SPPL2A: variants seen among roughly 807,000 people sequenced by gnomAD.
SPPL2A encodes the protein signal peptide peptidase-like 2A.
SPPL2A carries 51 observed loss-of-function variants against 63.8 expected under a neutral mutation model. The observed-to-expected ratio is 0.80, with a 90% CI of 0.64 to 1.01. The LOEUF (loss-of-function observed/expected upper bound fraction) is 1.01. SPPL2A is among the 50% of genes least tolerant of loss of function. SPPL2A has a pLI of 0.00. For synonymous variants in SPPL2A, 188 were observed against 205.8 expected (o/e 0.91, Z 0.74); for missense variants, 553 against 622.7 (o/e 0.89, Z 1.19).
chr15:50,765,604 C>A lies in SPPL2A; in HGVS notation c.-71G>T. ...ACTCGGCGGGGTAGGCTCGGAGTCC[C>A]GCCGCTGCGCTGCCTCCGTGGCCGG... On this transcript the variant is annotated 5_prime_UTR_variant, in exon 1 of 15. Transcript: ENST00000261854. 1 of 1,091,968 alleles carries A rather than the reference C, an allele frequency of 9.2e-7. No individual in the cohort carries two copies. Among genetic ancestry groups the A allele is most frequent in the Admixed American group, 4.2e-5 (1 of 23,972 alleles). The allele number at this position is 1,091,968 out of a possible 1,614,324, so 67.6% of individuals were successfully genotyped here.
rs1472131306 is a variant in SPPL2A at position 50,736,179 on chromosome 15, A to G, written c.854T>C (p.Met285Thr). The G allele has an allele frequency of 5.6e-5, 90 of 1,612,294 alleles. No individual in the cohort carries two copies. The highest frequency in any genetic ancestry group is 7.6e-5 in the Non-Finnish European group (90 of 1,178,804). Reference sequence around the variant, plus strand: ...AGAGAGAAAAATAAGTCTCACTTCCATGTTTTTGCCACGACATGCAATCCT... The same window carrying G: ...AGAGAGAAAAATAAGTCTCACTTCCGTGTTTTTGCCACGACATGCAATCCT... ...QCTIACRGKN[M>T]EVRLIFLSGL... The change falls in exon 8 of 15, where the codon ATG becomes ACG. Residue 285 changes from methionine (M) to threonine (T), a missense_variant. Physicochemically the swap from Met to Thr is moderately conservative, Grantham distance 81. Transcript: ENST00000261854.
chr15:50,748,061 TAA>T (rs1436380291), intron 4 of SPPL2A, 50 bp downstream of exon 4: 4 of 725,002 alleles, frequency 5.5e-6, no homozygotes, highest in Non-Finnish European at 8.4e-6. Flanking sequence ...TGATTAAAAA[TAA>T]AGAGATACAG....
chr15:50,717,043 T>G (rs771909936), intron 14 of SPPL2A, among the ~76,000 whole-genome samples: 2 of 152,184 alleles, frequency 1.3e-5, no homozygotes, highest in Non-Finnish European at 2.9e-5. Flanking sequence ...AGCCCTGAAC[T>G]CTACTTCTTT....
At chr15:50,753,874 G>A (rs1478070276) in intron 1 of SPPL2A, among the ~76,000 whole-genome samples, 1 of 151,982 alleles carries the variant, frequency 6.6e-6, no homozygotes, top group Non-Finnish European at 1.5e-5. Flanking sequence ...TCGGCTCACT[G>A]CAATCTCCGC....
At chr15:50,752,470 C>G (rs1183562667) in intron 1 of SPPL2A, among the ~76,000 whole-genome samples, 1 of 152,062 alleles carries the variant, frequency 6.6e-6, no homozygotes, top group African/African-American at 2.4e-5. Context: ...GTCATTCCAG[C>G]ACCTCGGGAG....
chr15:50,756,611 C>T (rs1272740872), intron 1 of SPPL2A, among the ~76,000 whole-genome samples: 1 of 151,926 alleles, frequency 6.6e-6, no homozygotes, highest in Non-Finnish European at 1.5e-5. Context: ...AGGGGGTGGG[C>T]ATGGTGGCTC....
chr15:50,736,743 G>A lies in SPPL2A; in HGVS notation c.734-3C>T. ...GAAAATTGCTATCATAACATAAACT[G>A]AAAAAAACAAAACACTAAATTACAT... On this transcript the variant is annotated splice_polypyrimidine_tract_variant and splice_region_variant and intron_variant, in intron 6 of 14. Coordinates refer to ENST00000261854, the MANE Select transcript of SPPL2A (RefSeq NM_032802.4). 1 of 1,517,532 alleles carries A rather than the reference G, an allele frequency of 6.6e-7. No homozygotes were observed. Among genetic ancestry groups the A allele is most frequent in the Non-Finnish European group, 9.1e-7 (1 of 1,095,884 alleles). 94.0% of individuals were successfully genotyped at this position (1,517,532 alleles called of 1,614,324 possible).
chr15:50,736,807 A>T, intron 6 of SPPL2A, 67 bp from the exon 7 acceptor site: 2 of 774,318 alleles, frequency 2.6e-6, no homozygotes. Flanking sequence ...TATTTATACA[A>T]GCAATATTAA....
intron 1 of SPPL2A, among the ~76,000 whole-genome samples, chr15:50,762,392 A>C (rs1035684526): frequency 1.3e-5 from 2 of 151,922 alleles, no homozygotes; most frequent in Non-Finnish European, 2.9e-5. Context: ...ACAAAAACCC[A>C]AAAAATAAAA....
Position 50,734,190 on chromosome 15 carries a change from A to G in SPPL2A, c.933-1506T>C, listed in dbSNP as rs1025387079. ...CTCAGTATATCAAAGAGATACCTGA[A>G]CTCTCATGTTTATTGCAGCACTATT... On this transcript the variant is annotated intron_variant, in intron 8 of 14. Coordinates refer to ENST00000261854, the MANE Select transcript of SPPL2A (RefSeq NM_032802.4). 2.6e-5 allele frequency among the ~76,000 whole-genome samples: 4 copies of G among 152,190 alleles called. No homozygotes were observed. In the East Asian group the frequency reaches 7.7e-4, roughly 29 times the overall value.
Position 50,725,249 on chromosome 15 carries a change from T to A in SPPL2A, c.1221A>T (p.Ile407=). 1 of 1,603,822 alleles carries A rather than the reference T, an allele frequency of 6.2e-7. No individual in the cohort carries two copies. Among genetic ancestry groups the A allele is most frequent in the Non-Finnish European group, 8.5e-7 (1 of 1,173,502 alleles). ...GTACAATAATGTCTCCAAAACCCAA[T>A]ATTGAAACAGGCATGAGGCACACAC... The part of the protein sequence containing the change: ...VMSVCLMPVS[I]LGFGDIIVPG... The change falls in exon 12 of 15, where the codon ATA becomes ATT. Residue 407 remains isoleucine, a synonymous_variant. Transcript: ENST00000261854.
intron 1 of SPPL2A, among the ~76,000 whole-genome samples, chr15:50,755,627 C>CAA (rs148415568): frequency 1.3e-3 from 62 of 49,494 alleles, no homozygotes; most frequent in African/African-American, 3.6e-3. Flanking sequence ...CACCCTGTCT[C>CAA]AAAAAAAAAA....
intron 1 of SPPL2A, among the ~76,000 whole-genome samples, chr15:50,762,055 G>A (rs1210688814): frequency 6.6e-6 from 1 of 152,044 alleles, no homozygotes; most frequent in African/African-American, 2.4e-5. Flanking sequence ...GGTTGAACTG[G>A]GGAAGGAGAG....
intron 5 of SPPL2A, among the ~76,000 whole-genome samples, chr15:50,745,789 G>A (rs12438388): frequency 5.9e-5 from 9 of 152,022 alleles, no homozygotes; most frequent in Admixed American, 4.6e-4. Context: ...GGTAGCTCAC[G>A]CCTGTAATCC....
At chr15:50,760,273 T>A (rs1230551698) in intron 1 of SPPL2A, among the ~76,000 whole-genome samples, 2 of 149,608 alleles carry the variant, frequency 1.3e-5, no homozygotes, top group African/African-American at 4.9e-5. Flanking sequence ...TTTTTTTTTA[T>A]TTCCCCCAAG....
At chr15:50,747,709 T>C in intron 4 of SPPL2A, 81 bp from the exon 5 acceptor site, 1 of 974,230 alleles carries the variant, frequency 1.0e-6, no homozygotes, top group Non-Finnish European at 1.6e-6. Context: ...CACATTTCAC[T>C]CTGGAATGGA....
At position 50,703,144 on chromosome 15, in the gene SPPL2A, C is replaced by T. The variant is rs1298338378; in HGVS notation, c.*4656G>A. 1 of 150,740 alleles carries T rather than the reference C, an allele frequency of 6.6e-6. No individual in the cohort carries two copies. The highest frequency in any genetic ancestry group is 1.5e-5 in the Non-Finnish European group (1 of 67,808). 9.3% of individuals were successfully genotyped at this position (150,740 alleles called of 1,614,324 possible). On this transcript the variant is annotated 3_prime_UTR_variant, in exon 15 of 15. Transcript: ENST00000261854. ...TCACAGACACAATCACAGCTCACTACAGCCTCAAACTCCTGGGCTCAAGGG... is the reference window on the plus strand; with the variant it reads ...TCACAGACACAATCACAGCTCACTATAGCCTCAAACTCCTGGGCTCAAGGG...
chr15:50,750,055 C>T (rs12917005), intron 1 of SPPL2A, among the ~76,000 whole-genome samples: 37,950 of 152,096 alleles, frequency 0.25, 5,690 homozygotes, highest in East Asian at 0.55. Flanking sequence ...CAATACTTGA[C>T]AGCTGGAAAC....
In SPPL2A at chr15:50,720,007, A is replaced by G. The variant is rs774817828; in HGVS notation, c.1421T>C (p.Ile474Thr). ...TCTCCAGGCAACAACTGAGGCAGTAATAAGTGTGCAAGGTACTAAATAGAG... is the reference window on the plus strand; with the variant it reads ...TCTCCAGGCAACAACTGAGGCAGTAGTAAGTGTGCAAGGTACTAAATAGAG... Reference protein sequence around the residue: ...ALLYLVPCTLITASVVAWRRK... With the variant: ...ALLYLVPCTLTTASVVAWRRK... The change falls in exon 14 of 15, where the codon ATT (isoleucine) becomes ACT (threonine). Residue 474 changes from isoleucine (I) to threonine (T), a missense_variant. By Grantham distance (89) the Ile-to-Thr change is moderately conservative (BLOSUM62 -1). Coordinates refer to ENST00000261854, the MANE Select transcript of SPPL2A (RefSeq NM_032802.4). The G allele has an allele frequency of 1.6e-5, 26 of 1,613,856 alleles. No homozygotes were observed. In the South Asian group the frequency reaches 2.1e-4, roughly 13 times the overall value.
Sources: gnomAD v4.1 joint callset for allele counts (sites outside exome capture counted in the v4.1 genomes callset) on GRCh38, gnomAD v4.1.1 for gene constraint, MANE v1.5 for transcripts, NCBI Gene and HGNC (gene_info 2026-07-23, HGNC 2026-07-21) for gene names.